Variants in CMC1 observed in about 807,000 individuals in gnomAD.
CMC1 encodes COX assembly mitochondrial protein homolog.
In CMC1, 14 loss-of-function variants were observed where a neutral mutation model predicts 14.1. That is an observed-to-expected ratio of 0.99 (90% confidence interval 0.66 to 1.55). CMC1 has a LOEUF of 1.55. Among genes scored for constraint, CMC1 ranks in the 40% most tolerant of loss-of-function variants. The probability of loss-of-function intolerance (pLI) is 0.00; values close to 1 mark genes in which losing one functional copy is unlikely to be tolerated. For missense variants in CMC1, 127 were observed against 123.8 expected, an observed-to-expected ratio of 1.03 and a Z score of -0.12; for synonymous variants, 50 against 38.4, an observed-to-expected ratio of 1.30 and a Z score of -1.12.
intron 2 of CMC1, among the ~76,000 whole-genome samples, chr3:28,289,984 A>C (rs1701386962): frequency 6.6e-6 from 1 of 152,130 alleles, no homozygotes. Flanking sequence ...TTTCTTGATA[A>C]AAGGTTACTT....
chr3:28,293,650 C>T (rs866298884), intron 2 of CMC1, among the ~76,000 whole-genome samples: 1 of 152,076 alleles, frequency 6.6e-6, no homozygotes, highest in Non-Finnish European at 1.5e-5. Flanking sequence ...AGTGTGCTCT[C>T]GGCTCACTGC....
chr3:28,270,265 G>T (rs1450564701), intron 2 of CMC1, among the ~76,000 whole-genome samples: 3 of 152,018 alleles, frequency 2.0e-5, no homozygotes, highest in African/African-American at 7.3e-5. Flanking sequence ...ATTCCTTTAG[G>T]TATATACCCA....
At position 28,289,558 on chromosome 3, in the gene CMC1, AGG is replaced by A. The variant is rs1701364119; in HGVS notation, c.109+26180_109+26181del. Reference sequence around the variant, plus strand: ...TTTTAGAAGTCATATAATAGAAAACAGGGATTTTTATGCTGCAAAGATCTTTA... The same window carrying A: ...TTTTAGAAGTCATATAATAGAAAACAGATTTTTATGCTGCAAAGATCTTTA... On this transcript the variant is annotated intron_variant, in intron 2 of 3. Transcript: ENST00000466830. Among the ~76,000 whole-genome samples, 5 of 104,312 alleles carry A rather than the reference AGG, an allele frequency of 4.8e-5. 1 individual carries two copies. The South Asian group carries it at 1.3e-3, about 28-fold the overall frequency. The allele number at this position is 104,312 out of a possible 152,430, so 68.4% of individuals were successfully genotyped here.
At chr3:28,274,727 TC>T (rs1428653401) in intron 2 of CMC1, among the ~76,000 whole-genome samples, 3 of 152,048 alleles carry the variant, frequency 2.0e-5, no homozygotes, top group African/African-American at 4.8e-5. Context: ...TTTCCATACT[TC>T]CTGTCTCTTT....
rs1375513707 is a variant in CMC1 at position 28,300,669 on chromosome 3, C to CTCCCTCCA, written c.110-15659_110-15658insCCATCCCT. On this transcript the variant is annotated intron_variant, in intron 2 of 3. Transcript: ENST00000466830. ...CCTCCATCCCTTTCCCTCCCTTTCC[C>CTCCCTCCA]TCCCTTTCCCTCCCTTTCCCTCCCT... Among the ~76,000 whole-genome samples the CTCCCTCCA allele has an allele frequency of 6.4e-5, 7 of 109,792 alleles. No individual in the cohort carries two copies. In the South Asian group the frequency reaches 1.1e-3, roughly 17 times the overall value. 72.0% of individuals were successfully genotyped at this position (109,792 alleles called of 152,430 possible). A position where few individuals can be genotyped will look rare whatever the true frequency, so the allele number is the denominator to read the frequency against.
At chr3:28,291,425 G>T (rs1453360112) in intron 2 of CMC1, among the ~76,000 whole-genome samples, 1 of 151,810 alleles carries the variant, frequency 6.6e-6, no homozygotes, top group Non-Finnish European at 1.5e-5. Flanking sequence ...TTTTTCATTT[G>T]AATTTTAGCT....
intron 2 of CMC1, among the ~76,000 whole-genome samples, chr3:28,311,398 G>T (rs1702633499): frequency 6.6e-6 from 1 of 152,170 alleles, no homozygotes; most frequent in African/African-American, 2.4e-5. Context: ...AAATTTTATA[G>T]ACGAATGTAT....
chr3:28,283,871 A>C (rs1377765158), intron 2 of CMC1, among the ~76,000 whole-genome samples: 1 of 152,188 alleles, frequency 6.6e-6, no homozygotes, highest in Non-Finnish European at 1.5e-5. Flanking sequence ...CTATATTTGG[A>C]AATTTGAAAC....
intron 2 of CMC1, among the ~76,000 whole-genome samples, chr3:28,279,668 AC>A (rs1302623116): frequency 6.6e-6 from 1 of 151,846 alleles, no homozygotes; most frequent in East Asian, 1.9e-4. Flanking sequence ...AAAAAAAAAA[AC>A]TGACATAAAA....
chr3:28,310,796 A>G (rs1702597744), intron 2 of CMC1, among the ~76,000 whole-genome samples: 1 of 152,208 alleles, frequency 6.6e-6, no homozygotes, highest in Non-Finnish European at 1.5e-5. Context: ...TGTGGAAGAC[A>G]CTTTTCCAGT....
chr3:28,264,898 A>G (rs1038630868), intron 2 of CMC1, among the ~76,000 whole-genome samples: 1 of 151,532 alleles, frequency 6.6e-6, no homozygotes, highest in African/African-American at 2.4e-5. Context: ...TCAATTACAG[A>G]TTTAATTTTT....
At chr3:28,269,705 A>G (rs576094919) in intron 2 of CMC1, among the ~76,000 whole-genome samples, 1 of 152,220 alleles carries the variant, frequency 6.6e-6, no homozygotes, top group East Asian at 1.9e-4. Context: ...AACTGGGACT[A>G]CAGGCGCACG....
chr3:28,277,173 A>G (rs1227531911), intron 2 of CMC1, among the ~76,000 whole-genome samples: 1 of 152,206 alleles, frequency 6.6e-6, no homozygotes. Context: ...TCAAATTTTC[A>G]GAATATTAAA....
intron 2 of CMC1, among the ~76,000 whole-genome samples, chr3:28,271,864 G>A (rs1700311723): frequency 6.6e-6 from 1 of 152,154 alleles, no homozygotes; most frequent in Admixed American, 6.5e-5. Context: ...CATGAGCATG[G>A]AATGTTTTTC....
intron 2 of CMC1, among the ~76,000 whole-genome samples, chr3:28,286,453 G>A (rs148602590): frequency 2.4e-4 from 36 of 152,206 alleles, no homozygotes; most frequent in African/African-American, 7.9e-4. Context: ...TATGCAAAAC[G>A]TTTATATTAA....
Position 28,320,641 on chromosome 3 carries a change from T to C in CMC1, c.*1012T>C, listed in dbSNP as rs1344142119. On this transcript the variant is annotated 3_prime_UTR_variant, in exon 4 of 4. Transcript: ENST00000466830. ...TATGAATTAATTTTACTTACATCTT[T>C]GATGTAGAATTTTCTAAAACATAAT... 7 of 134,886 alleles carry C rather than the reference T, an allele frequency of 5.2e-5. No homozygotes were observed. In the East Asian group the frequency reaches 1.4e-3, roughly 27 times the overall value. The allele number at this position is 134,886 out of a possible 1,614,324, so 8.4% of individuals were successfully genotyped here. A position where few individuals can be genotyped will look rare whatever the true frequency, so the allele number is the denominator to read the frequency against.
chr3:28,276,490 A>T (rs1389389763), intron 2 of CMC1, among the ~76,000 whole-genome samples: 7 of 152,176 alleles, frequency 4.6e-5, no homozygotes, highest in Admixed American at 4.6e-4. Flanking sequence ...ACAATATTTT[A>T]TTGTTCTAAT....
chr3:28,245,935 T>C (rs1369577982), intron 1 of CMC1, among the ~76,000 whole-genome samples: 1 of 151,990 alleles, frequency 6.6e-6, no homozygotes, highest in African/African-American at 2.4e-5. Flanking sequence ...GGTTGTGGAG[T>C]TGATTAGAAA....
At chr3:28,255,814 T>C (rs966142232) in intron 1 of CMC1, among the ~76,000 whole-genome samples, 7 of 151,790 alleles carry the variant, frequency 4.6e-5, no homozygotes, top group Non-Finnish European at 7.4e-5. Context: ...GCAGAAATAG[T>C]TTGTCTACCT....
Sources: gnomAD v4.1 joint callset for allele counts (sites outside exome capture counted in the v4.1 genomes callset) on GRCh38, gnomAD v4.1.1 for gene constraint, MANE v1.5 for transcripts, NCBI Gene and HGNC (gene_info 2026-07-23, HGNC 2026-07-21) for gene names.